Variants in LAPTM4B observed in about 807,000 individuals in gnomAD.
LAPTM4B encodes the protein lysosomal protein transmembrane 4 beta.
In LAPTM4B, 26 loss-of-function variants were observed where a neutral mutation model predicts 28.5. That is an observed-to-expected ratio of 0.91 (90% CI 0.67 to 1.27). The LOEUF (loss-of-function observed/expected upper bound fraction) is 1.27. Ranked by LOEUF, LAPTM4B falls within the 50% of genes most tolerant of loss-of-function variation. LAPTM4B has a pLI of 0.00. For missense variants in LAPTM4B, 288 were observed against 285.8 expected (o/e 1.01, Z -0.06); for synonymous variants, 109 against 106.4 (o/e 1.02, Z -0.15).
intron 6 of LAPTM4B, among the ~76,000 whole-genome samples, chr8:97,831,123 G>A (rs61027541): frequency 0.14 from 20,947 of 152,086 alleles, 3,138 homozygotes; most frequent in African/African-American, 0.37. Context: ...TTTTCCTGAG[G>A]ATTGAGGATG....
intron 1 of LAPTM4B, among the ~76,000 whole-genome samples, chr8:97,789,817 G>A (rs933238056): frequency 6.6e-6 from 1 of 152,040 alleles, no homozygotes; most frequent in Non-Finnish European, 1.5e-5. Context: ...CACCTTGCCC[G>A]GCCCTCTTTC....
At chr8:97,822,092 CT>C (rs1362459642) in intron 5 of LAPTM4B, among the ~76,000 whole-genome samples, 3 of 152,100 alleles carry the variant, frequency 2.0e-5, no homozygotes, top group Non-Finnish European at 4.4e-5. Flanking sequence ...GCTCCAGTTT[CT>C]TGGCTGGTAT....
chr8:97,778,269 CTT>C (rs911962445), intron 1 of LAPTM4B, among the ~76,000 whole-genome samples: 1 of 151,032 alleles, frequency 6.6e-6, no homozygotes, highest in African/African-American at 2.4e-5. Flanking sequence ...TATAAATAGT[CTT>C]TTGCATTTCA....
At chr8:97,780,236 G>T (rs1483633954) in intron 1 of LAPTM4B, among the ~76,000 whole-genome samples, 1 of 151,800 alleles carries the variant, frequency 6.6e-6, no homozygotes, top group African/African-American at 2.4e-5. Context: ...GACCAGCCTG[G>T]CTAACATGAT....
intron 6 of LAPTM4B, among the ~76,000 whole-genome samples, chr8:97,834,998 A>T (rs1330163343): frequency 6.6e-6 from 1 of 152,192 alleles, no homozygotes; most frequent in East Asian, 1.9e-4. Context: ...TAAGAAAACC[A>T]AAGTTACTGA....
chr8:97,851,310 G>A (rs766295166), intron 6 of LAPTM4B, 87 bp from the exon 7 acceptor site: 2 of 1,030,420 alleles, frequency 1.9e-6, no homozygotes, highest in Non-Finnish European at 3.1e-6. Flanking sequence ...AACATGTTTA[G>A]TTGCATAAAA....
At chr8:97,791,859 G>A (rs965268492) in intron 1 of LAPTM4B, among the ~76,000 whole-genome samples, 1 of 152,170 alleles carries the variant, frequency 6.6e-6, no homozygotes, top group Non-Finnish European at 1.5e-5. Context: ...GATCAGACTT[G>A]ATAGGGAGGC....
intron 2 of LAPTM4B, among the ~76,000 whole-genome samples, chr8:97,811,475 G>A (rs938452936): frequency 5.9e-5 from 9 of 152,202 alleles, no homozygotes; most frequent in Admixed American, 4.6e-4. Flanking sequence ...TAACTGTACT[G>A]TGTGTATGCT....
At position 97,848,917 on chromosome 8, in the gene LAPTM4B, T is replaced by TA. The variant is rs1817470826; in HGVS notation, c.604-2479dup. On this transcript the variant is annotated intron_variant, in intron 6 of 6. Transcript: ENST00000521545. ...AGAGAAGACAGCTGTTGCTTTGTTT[T>TA]AGAGAATACTTTTTTCTTCCCGCAG... Among the ~76,000 whole-genome samples the TA allele has an allele frequency of 2.6e-5, 4 of 152,064 alleles. 1 individual carries two copies. In the South Asian group the frequency reaches 8.3e-4, roughly 32 times the overall value.
chr8:97,784,182 A>G (rs1419528034), intron 1 of LAPTM4B, among the ~76,000 whole-genome samples: 3 of 152,168 alleles, frequency 2.0e-5, no homozygotes, highest in Non-Finnish European at 2.9e-5. Context: ...AGGTGGTGAT[A>G]TGTTCTTTTA....
Position 97,776,121 on chromosome 8 carries a change from C to G in LAPTM4B, c.99+13C>G, listed in dbSNP as rs375039009. 5 of 1,491,724 alleles carry G rather than the reference C, an allele frequency of 3.4e-6. No homozygotes were observed. The East Asian group carries it at 1.0e-4, about 30-fold the overall frequency. The allele number at this position is 1,491,724 out of a possible 1,614,324, so 92.4% of individuals were successfully genotyped here. A position where few individuals can be genotyped will look rare whatever the true frequency, so the allele number is the denominator to read the frequency against. On this transcript the variant is annotated intron_variant, in intron 1 of 6. Transcript: ENST00000521545. ...CGTCTGGTATCTGGTGAGCGCGGCGCGCCCGGCCCGGGACCCTGCGTTGCT... is the reference window on the plus strand; with the variant it reads ...CGTCTGGTATCTGGTGAGCGCGGCGGGCCCGGCCCGGGACCCTGCGTTGCT...
chr8:97,802,986 A>G (rs2877430), intron 1 of LAPTM4B, among the ~76,000 whole-genome samples: 67,276 of 151,520 alleles, frequency 0.44, 15,404 homozygotes, highest in East Asian at 0.57. Flanking sequence ...GGATCACGAG[A>G]TCAGGAGTTC....
chr8:97,844,887 C>T (rs1817404515), intron 6 of LAPTM4B, among the ~76,000 whole-genome samples: 1 of 152,128 alleles, frequency 6.6e-6, no homozygotes, highest in South Asian at 2.1e-4. Flanking sequence ...ATTTTGACTG[C>T]CATGATTATC....
In LAPTM4B at chr8:97,814,276, G is replaced by A. The variant is rs142591815; in HGVS notation, c.212-1052G>A. On this transcript the variant is annotated intron_variant, in intron 2 of 6. Coordinates refer to ENST00000521545, the MANE Select transcript of LAPTM4B (RefSeq NM_018407.6). Reference sequence around the variant, plus strand: ...TGTAATCCCAGAACTTTGGGAGGCCGAGGCTGGCAGATCATTTGAAGTCAG... The same window carrying A: ...TGTAATCCCAGAACTTTGGGAGGCCAAGGCTGGCAGATCATTTGAAGTCAG... 2.4e-3 allele frequency among the ~76,000 whole-genome samples: 365 copies of A among 152,274 alleles called. 1 individual carries two copies. Among genetic ancestry groups the A allele is most frequent in the African/African-American group, 8.3e-3 (347 of 41,558 alleles).
chr8:97,834,069 G>A (rs1353781417), intron 6 of LAPTM4B, among the ~76,000 whole-genome samples: 4 of 150,820 alleles, frequency 2.7e-5, no homozygotes, highest in Non-Finnish European at 5.9e-5. Flanking sequence ...TGTAATTCTA[G>A]TGCTTTGGGA....
chr8:97,842,376 T>C (rs1426520535), intron 6 of LAPTM4B, among the ~76,000 whole-genome samples: 1 of 152,222 alleles, frequency 6.6e-6, no homozygotes, highest in Non-Finnish European at 1.5e-5. Flanking sequence ...CTGAGTTTTC[T>C]AGGCAACTGT....
intron 1 of LAPTM4B, among the ~76,000 whole-genome samples, chr8:97,778,815 AG>A (rs1157207757): frequency 6.6e-6 from 1 of 151,770 alleles, no homozygotes; most frequent in African/African-American, 2.4e-5. Context: ...TTTGAGCACT[AG>A]CCGTCTCTGG....
At chr8:97,815,785 C>T (rs552990759) in intron 3 of LAPTM4B, among the ~76,000 whole-genome samples, 4 of 152,160 alleles carry the variant, frequency 2.6e-5, no homozygotes, top group African/African-American at 9.6e-5. Context: ...GCAGGCTAGT[C>T]TCGAACTCCT....
In LAPTM4B at chr8:97,825,057, G is replaced by A. The variant is rs1369792474; in HGVS notation, c.508-1G>A. 3 of 1,576,300 alleles carry A rather than the reference G, an allele frequency of 1.9e-6. No homozygotes were observed. The highest frequency in any genetic ancestry group is 1.7e-6 in the Non-Finnish European group (2 of 1,146,298). On this transcript the variant is annotated splice_acceptor_variant, in intron 5 of 6. Coordinates refer to ENST00000521545, the MANE Select transcript of LAPTM4B (RefSeq NM_018407.6). LOFTEE classifies it high-confidence loss of function. ...ATCTGATAATCACTCCTCATTTTCA[G>A]GGTTACTTGATTAGCTGTGTTTGGA... is the stretch of plus-strand genomic sequence containing the variant.
Sources: gnomAD v4.1 joint callset for allele counts (sites outside exome capture counted in the v4.1 genomes callset) on GRCh38, gnomAD v4.1.1 for gene constraint, MANE v1.5 for transcripts, NCBI Gene and HGNC (gene_info 2026-07-23, HGNC 2026-07-21) for gene names.